C9: variants seen among roughly 807,000 people sequenced by gnomAD.
C9 encodes the protein complement C9.
In C9, 63 loss-of-function variants were observed where a neutral mutation model predicts 65.4. The observed-to-expected ratio is 0.96, with a 90% confidence interval of 0.79 to 1.19. The LOEUF (loss-of-function observed/expected upper bound fraction) is 1.19, where lower values mean the gene tolerates loss of function less well. C9 is among the 50% of genes most tolerant of loss of function. The probability of loss-of-function intolerance (pLI) is 0.00; values close to 1 mark genes in which losing one functional copy is unlikely to be tolerated. For synonymous variants in C9, 229 were observed against 227.9 expected (o/e 1.00, Z -0.04); for missense variants, 744 against 670.1 (o/e 1.11, Z -1.22).
At chr5:39,304,189 A>G (rs1753335031) in intron 9 of C9, among the ~76,000 whole-genome samples, 1 of 152,136 alleles carries the variant, frequency 6.6e-6, no homozygotes, top group Non-Finnish European at 1.5e-5. Context: ...CCAAGAACCT[A>G]TTGATAATAT....
At chr5:39,345,585 C>G (rs187611051) in intron 1 of C9, among the ~76,000 whole-genome samples, 1 of 152,272 alleles carries the variant, frequency 6.6e-6, no homozygotes. Flanking sequence ...GAGATTTTAA[C>G]ACCCCACTGT....
chr5:39,355,188 C>T (rs146218160), intron 1 of C9, among the ~76,000 whole-genome samples: 63 of 152,282 alleles, frequency 4.1e-4, no homozygotes, highest in East Asian at 3.5e-3. Flanking sequence ...AATGCTGGTT[C>T]AGAGGATACT....
At chr5:39,301,635 G>A (rs962903792) in intron 9 of C9, among the ~76,000 whole-genome samples, 1 of 151,980 alleles carries the variant, frequency 6.6e-6, no homozygotes, top group African/African-American at 2.4e-5. Context: ...ATTACTATCT[G>A]CACTATTTGT....
chr5:39,289,530 C>T (rs1025853484), intron 9 of C9, among the ~76,000 whole-genome samples: 1 of 151,614 alleles, frequency 6.6e-6, no homozygotes, highest in African/African-American at 2.4e-5. Flanking sequence ...AAAGAGATTC[C>T]TCCAGAATAG....
intron 9 of C9, among the ~76,000 whole-genome samples, chr5:39,297,479 T>C (rs918182336): frequency 1.3e-5 from 2 of 151,646 alleles, no homozygotes; most frequent in African/African-American, 4.8e-5. Context: ...CCCAACTATA[T>C]ACTGTCTACA....
rs898159702 is a variant in C9 at position 39,356,232 on chromosome 5, A to G, written c.77+8156T>C. On this transcript the variant is annotated intron_variant, in intron 1 of 10. Coordinates refer to ENST00000263408, the MANE Select transcript of C9 (RefSeq NM_001737.5). The stretch of plus-strand genomic sequence containing the variant: ...GAAACTAAAAATGGAGAATTACACT[A>G]CTTATCCAAAGTTGAACAGTTAGTA... Among the ~76,000 whole-genome samples the G allele has an allele frequency of 1.4e-4, 21 of 152,262 alleles. 1 individual carries two copies. Among genetic ancestry groups the G allele is most frequent in the African/African-American group, 5.1e-4 (21 of 41,538 alleles).
intron 4 of C9, among the ~76,000 whole-genome samples, chr5:39,332,436 T>C (rs1301188582): frequency 1.3e-5 from 2 of 152,238 alleles, no homozygotes; most frequent in Non-Finnish European, 1.5e-5. Flanking sequence ...TTTTTTCCCA[T>C]AGCAAAATAT....
chr5:39,322,926 A>G (rs530886522), intron 5 of C9, among the ~76,000 whole-genome samples: 1 of 152,228 alleles, frequency 6.6e-6, no homozygotes, highest in South Asian at 2.1e-4. Context: ...TGAGCATCTA[A>G]GGATTTAGCT....
chr5:39,331,182 G>A (rs1753832651), intron 5 of C9, among the ~76,000 whole-genome samples: 2 of 152,178 alleles, frequency 1.3e-5, no homozygotes, highest in African/African-American at 4.8e-5. Flanking sequence ...TTGGAATAGT[G>A]TTGTGTAGAG....
intron 1 of C9, among the ~76,000 whole-genome samples, chr5:39,360,746 C>A (rs541780323): frequency 4.6e-5 from 7 of 152,108 alleles, no homozygotes; most frequent in African/African-American, 7.2e-5. Flanking sequence ...GCCAAAATAC[C>A]TATTTTTTTT....
At chr5:39,349,309 A>G (rs668956) in intron 1 of C9, among the ~76,000 whole-genome samples, 8,394 of 152,084 alleles carry the variant, frequency 0.055, 372 homozygotes, top group African/African-American at 0.12. Context: ...CCTCTCTACT[A>G]TCTCCTTTCC....
intron 1 of C9, among the ~76,000 whole-genome samples, chr5:39,356,748 T>A (rs993500317): frequency 6.6e-6 from 1 of 152,192 alleles, no homozygotes; most frequent in Non-Finnish European, 1.5e-5. Flanking sequence ...ACATAGGTGA[T>A]CTTGAATAGC....
At chr5:39,306,530 G>A in intron 9 of C9, 87 bp downstream of exon 9, 1 of 1,071,954 alleles carries the variant, frequency 9.3e-7, no homozygotes. Flanking sequence ...GTCTCTTTCA[G>A]ATGAAGCTAA....
chr5:39,317,895 G>A (rs1428940294), intron 5 of C9, among the ~76,000 whole-genome samples: 1 of 151,846 alleles, frequency 6.6e-6, no homozygotes, highest in Non-Finnish European at 1.5e-5. Context: ...AATGTCAGTG[G>A]TAGTTTAATG....
intron 10 of C9, among the ~76,000 whole-genome samples, chr5:39,288,126 A>C (rs1002657208): frequency 1.3e-5 from 2 of 151,944 alleles, no homozygotes; most frequent in Admixed American, 1.3e-4. Flanking sequence ...AAACATACAA[A>C]ACAATATCAC....
intron 4 of C9, among the ~76,000 whole-genome samples, chr5:39,339,654 T>C (rs1428788193): frequency 5.5e-4 from 23 of 41,970 alleles, no homozygotes; most frequent in African/African-American, 2.4e-3. Flanking sequence ...TTTCTCTCTT[T>C]TTTTTTTTTT....
At chr5:39,347,022 A>C (rs1579876011) in intron 1 of C9, among the ~76,000 whole-genome samples, 2 of 152,114 alleles carry the variant, frequency 1.3e-5, no homozygotes, top group Non-Finnish European at 2.9e-5. Context: ...GGACGTATCT[A>C]AAAATAATAA....
intron 5 of C9, among the ~76,000 whole-genome samples, chr5:39,320,300 T>C (rs1418417489): frequency 6.6e-6 from 1 of 151,462 alleles, no homozygotes; most frequent in African/African-American, 2.4e-5. Flanking sequence ...AAATTAGAAG[T>C]TCAATAGAGA....
chr5:39,312,943 T>C (rs571214430), intron 6 of C9, among the ~76,000 whole-genome samples: 4 of 152,266 alleles, frequency 2.6e-5, no homozygotes, highest in African/African-American at 9.6e-5. Context: ...TATGAGCTCT[T>C]CATCTCCTGA....
Sources: allele counts gnomAD v4.1 joint callset (sites outside exome capture counted in the v4.1 genomes callset), GRCh38; gene constraint gnomAD v4.1.1; transcripts MANE v1.5; gene names NCBI Gene and HGNC (gene_info 2026-07-23, HGNC 2026-07-21).